DNMBP: variants seen among roughly 807,000 people sequenced by gnomAD.
DNMBP encodes the protein dynamin binding protein, also known as dynamin-binding protein.
A neutral mutation model predicts 150.0 loss-of-function variants in DNMBP; 87 were observed. That is an observed-to-expected ratio of 0.58 (90% confidence interval 0.49 to 0.69). The LOEUF (loss-of-function observed/expected upper bound fraction) is 0.69. Among genes scored for constraint, DNMBP ranks in the 30% least tolerant of loss-of-function variants. DNMBP has a pLI of 0.00. For missense variants in DNMBP, 1,774 were observed against 1,949.0 expected, an observed-to-expected ratio of 0.91 and a Z score of 1.69; for synonymous variants, 711 against 750.4, an observed-to-expected ratio of 0.95 and a Z score of 0.86.
At chr10:99,931,757 C>T (rs1205401488) in intron 4 of DNMBP, among the ~76,000 whole-genome samples, 2 of 152,232 alleles carry the variant, frequency 1.3e-5, no homozygotes, top group African/African-American at 4.8e-5. Context: ...CAAATTAGTC[C>T]CTGCCTCTTA....
At chr10:99,921,852 G>C (rs1035304507) in intron 4 of DNMBP, among the ~76,000 whole-genome samples, 2 of 107,756 alleles carry the variant, frequency 1.9e-5, no homozygotes, top group African/African-American at 7.1e-5. Flanking sequence ...GCAACAGAGT[G>C]AGATTCCATC....
intron 1 of DNMBP, among the ~76,000 whole-genome samples, chr10:99,996,133 AT>A (rs1420583316): frequency 6.6e-6 from 1 of 152,204 alleles, no homozygotes; most frequent in Non-Finnish European, 1.5e-5. Context: ...TTATATTTTA[AT>A]TTTTAAACGT....
chr10:99,980,474 G>A (rs1372913234), intron 1 of DNMBP, among the ~76,000 whole-genome samples: 1 of 150,472 alleles, frequency 6.6e-6, no homozygotes, highest in Non-Finnish European at 1.5e-5. Flanking sequence ...GTTACAATAT[G>A]TATCACTGTA....
rs577405164 is a variant in DNMBP at position 99,904,056 on chromosome 10, C to T, written c.2554+3939G>A. 2.3e-3 allele frequency among the ~76,000 whole-genome samples: 348 copies of T among 152,096 alleles called. 1 individual carries two copies. The highest frequency in any genetic ancestry group is 8.0e-3 in the African/African-American group (333 of 41,490). ...GGATTACTGGTGTGAGCCAACACGC[C>T]CGGCTGATCAAATAGAAAAGAAAAT... On this transcript the variant is annotated intron_variant, in intron 6 of 16. Coordinates refer to ENST00000324109, the MANE Select transcript of DNMBP (RefSeq NM_015221.4).
At chr10:99,912,969 C>T (rs1351574789) in intron 4 of DNMBP, among the ~76,000 whole-genome samples, 4 of 152,154 alleles carry the variant, frequency 2.6e-5, no homozygotes, top group Non-Finnish European at 4.4e-5. Context: ...CTTTATGCCA[C>T]ATATATTCTA....
intron 1 of DNMBP, among the ~76,000 whole-genome samples, chr10:99,974,124 A>C (rs2040704553): frequency 6.6e-6 from 1 of 152,150 alleles, no homozygotes; most frequent in South Asian, 2.1e-4. Context: ...CTTCACCTCT[A>C]TTTTATAAAA....
chr10:99,985,981 G>A (rs912085428), intron 1 of DNMBP, among the ~76,000 whole-genome samples: 3 of 152,036 alleles, frequency 2.0e-5, no homozygotes, highest in Non-Finnish European at 4.4e-5. Flanking sequence ...AAACTCCTGA[G>A]CTCAAGCAAT....
At chr10:99,965,949 G>T (rs2040615176) in intron 3 of DNMBP, among the ~76,000 whole-genome samples, 1 of 152,210 alleles carries the variant, frequency 6.6e-6, no homozygotes, top group African/African-American at 2.4e-5. Flanking sequence ...AGGAAACCTA[G>T]ATGCAAGTCT....
At chr10:99,905,079 CAAAT>C (rs2039805917) in intron 6 of DNMBP, among the ~76,000 whole-genome samples, 1 of 152,096 alleles carries the variant, frequency 6.6e-6, no homozygotes, top group South Asian at 2.1e-4. Flanking sequence ...TTTCTTAATA[CAAAT>C]AAATGACCCA....
intron 7 of DNMBP, 177 bp downstream of exon 7, chr10:99,899,740 CTA>C: frequency 1.4e-6 from 1 of 738,310 alleles, no homozygotes; most frequent in Non-Finnish European, 2.3e-6. Flanking sequence ...ACCTAATACT[CTA>C]TACAGATAAA....
chr10:99,916,418 C>T (rs1466222955), intron 4 of DNMBP, among the ~76,000 whole-genome samples: 1 of 152,072 alleles, frequency 6.6e-6, no homozygotes, highest in Non-Finnish European at 1.5e-5. Flanking sequence ...CCAGCCTGGG[C>T]GACAGAGCGA....
Position 99,894,852 on chromosome 10 carries a change from T to TA in DNMBP, c.3156+93dup, listed in dbSNP as rs2039627463. The TA allele has an allele frequency of 3.2e-6, 3 of 936,990 alleles. No individual in the cohort carries two copies. The African/African-American group carries it at 5.0e-5, about 15-fold the overall frequency. 58.0% of individuals were successfully genotyped at this position (936,990 alleles called of 1,614,324 possible). A position where few individuals can be genotyped will look rare whatever the true frequency, so the allele number is the denominator to read the frequency against. Reference sequence around the variant, plus strand: ...GCATAATAGTAATTTGAGTCCAGATTACTCAGCATTCATTAAACAATATGA... The same window carrying TA: ...GCATAATAGTAATTTGAGTCCAGATTAACTCAGCATTCATTAAACAATATGA... On this transcript the variant is annotated intron_variant, in intron 11 of 16. Transcript: ENST00000324109.
chr10:99,964,975 C>G (rs1454364013), intron 3 of DNMBP, among the ~76,000 whole-genome samples: 1 of 151,870 alleles, frequency 6.6e-6, no homozygotes, highest in East Asian at 1.9e-4. Flanking sequence ...AGGGTGACAT[C>G]TGCTGGAACA....
chr10:99,970,102 T>C (rs2040659472), intron 2 of DNMBP, among the ~76,000 whole-genome samples: 1 of 152,224 alleles, frequency 6.6e-6, no homozygotes, highest in Non-Finnish European at 1.5e-5. Flanking sequence ...GTCCCCTGTG[T>C]TCTCACATTC....
In DNMBP at chr10:99,914,089, T is replaced by C. The variant is rs1220470661; in HGVS notation, c.2261-4943A>G. The C allele has an allele frequency of 8.6e-6, 12 of 1,398,078 alleles. No individual in the cohort carries two copies. The Admixed American group carries it at 3.6e-4, about 41-fold the overall frequency. 86.6% of individuals were successfully genotyped at this position (1,398,078 alleles called of 1,614,324 possible). A position where few individuals can be genotyped will look rare whatever the true frequency, so the allele number is the denominator to read the frequency against. The stretch of plus-strand genomic sequence containing the variant: ...ATAGGGTCGGCATTTCCCCCAGGCT[T>C]CCCACATTTACATATGAATCGCGCA... On this transcript the variant is annotated intron_variant, in intron 4 of 16. Coordinates refer to ENST00000324109, the MANE Select transcript of DNMBP (RefSeq NM_015221.4).
intron 4 of DNMBP, among the ~76,000 whole-genome samples, chr10:99,924,659 T>C (rs1286107505): frequency 1.3e-5 from 2 of 152,196 alleles, no homozygotes; most frequent in Non-Finnish European, 2.9e-5. Flanking sequence ...CATTAGTTAA[T>C]AAACACCTGG....
chr10:99,899,121 G>T (rs1589405340), intron 7 of DNMBP, among the ~76,000 whole-genome samples: 1 of 152,096 alleles, frequency 6.6e-6, no homozygotes, highest in African/African-American at 2.4e-5. Flanking sequence ...AACCCGGGAG[G>T]TGGAGGTTGC....
At chr10:99,937,663 T>C (rs915392028) in intron 4 of DNMBP, among the ~76,000 whole-genome samples, 1 of 152,044 alleles carries the variant, frequency 6.6e-6, no homozygotes, top group Non-Finnish European at 1.5e-5. Context: ...ACACCACCAT[T>C]CTCTCTTTGT....
At chr10:99,986,863 GA>G (rs1244824557) in intron 1 of DNMBP, among the ~76,000 whole-genome samples, 1 of 152,104 alleles carries the variant, frequency 6.6e-6, no homozygotes, top group East Asian at 1.9e-4. Flanking sequence ...TCATGTAAAA[GA>G]AATCTCTAAG....
Sources: gnomAD v4.1 joint callset for allele counts (sites outside exome capture counted in the v4.1 genomes callset) on GRCh38, gnomAD v4.1.1 for gene constraint, MANE v1.5 for transcripts, NCBI Gene and HGNC (gene_info 2026-07-23, HGNC 2026-07-21) for gene names.